Variants in EPB41L2 observed in about 807,000 individuals in gnomAD.
The protein encoded by EPB41L2 is erythrocyte membrane protein band 4.1 like 2.
In EPB41L2, 43 loss-of-function variants were observed where a neutral mutation model predicts 113.0. The observed-to-expected ratio is 0.38, with a 90% CI of 0.30 to 0.49. EPB41L2 has a LOEUF of 0.49. Ranked by LOEUF, EPB41L2 falls within the 20% of genes least tolerant of loss-of-function variation. The probability of loss-of-function intolerance (pLI) is 0.95; values close to 1 mark genes in which losing one functional copy is unlikely to be tolerated. For synonymous variants in EPB41L2, 442 were observed against 436.7 expected, an observed-to-expected ratio of 1.01 and a Z score of -0.15; for missense variants, 1,147 against 1,223.4, an observed-to-expected ratio of 0.94 and a Z score of 0.93.
chr6:130,930,039 A>T (rs1466895474), intron 3 of EPB41L2, among the ~76,000 whole-genome samples: 1 of 152,108 alleles, frequency 6.6e-6, no homozygotes, highest in Non-Finnish European at 1.5e-5. Context: ...AGTTATATAC[A>T]CCACTCATTC....
chr6:131,038,037 CAG>C (rs2128179733), intron 1 of EPB41L2, among the ~76,000 whole-genome samples: 1 of 152,188 alleles, frequency 6.6e-6, no homozygotes, highest in East Asian at 1.9e-4. Context: ...TACACATAAA[CAG>C]TATCAATAAA....
intron 1 of EPB41L2, among the ~76,000 whole-genome samples, chr6:130,965,951 G>A (rs1775032616): frequency 6.6e-6 from 1 of 151,958 alleles, no homozygotes; most frequent in African/African-American, 2.4e-5. Flanking sequence ...CAATCTTGTG[G>A]CTTCCCTGGG....
chr6:131,031,139 C>T (rs1027557333), intron 1 of EPB41L2, among the ~76,000 whole-genome samples: 2 of 151,820 alleles, frequency 1.3e-5, no homozygotes, highest in African/African-American at 4.8e-5. Flanking sequence ...AAATGCAGCA[C>T]AATTAAATGT....
chr6:130,986,695 C>T (rs1174535289), intron 1 of EPB41L2, among the ~76,000 whole-genome samples: 2 of 151,994 alleles, frequency 1.3e-5, no homozygotes, highest in Non-Finnish European at 2.9e-5. Flanking sequence ...AAGCGATTCT[C>T]CTGCCTCAGC....
At chr6:131,005,068 G>C (rs138075460) in intron 1 of EPB41L2, among the ~76,000 whole-genome samples, 3 of 152,088 alleles carry the variant, frequency 2.0e-5, no homozygotes, top group Admixed American at 2.0e-4. Flanking sequence ...ACACTCAGAC[G>C]TCAATGCTAA....
At chr6:130,915,981 T>C (rs183286840) in intron 4 of EPB41L2, among the ~76,000 whole-genome samples, 1 of 152,348 alleles carries the variant, frequency 6.6e-6, no homozygotes, top group East Asian at 1.9e-4. Context: ...AACAGACTAA[T>C]ATACATACCT....
intron 1 of EPB41L2, among the ~76,000 whole-genome samples, chr6:131,004,551 G>A (rs1785028681): frequency 6.6e-6 from 1 of 152,158 alleles, no homozygotes; most frequent in Non-Finnish European, 1.5e-5. Flanking sequence ...ACACTTCTAA[G>A]GAAAGCATGC....
At chr6:130,939,789 C>A (rs1810170440) in intron 3 of EPB41L2, among the ~76,000 whole-genome samples, 1 of 152,192 alleles carries the variant, frequency 6.6e-6, no homozygotes, top group African/African-American at 2.4e-5. Flanking sequence ...ATCCAGAGAG[C>A]CTAATGGTAA....
chr6:130,950,420 A>T (rs1441594723), intron 3 of EPB41L2, among the ~76,000 whole-genome samples: 1 of 152,220 alleles, frequency 6.6e-6, no homozygotes, highest in African/African-American at 2.4e-5. Context: ...CCTTCATGCC[A>T]ATAAATTTGT....
At chr6:130,975,952 T>C (rs1461116901) in intron 1 of EPB41L2, among the ~76,000 whole-genome samples, 1 of 152,128 alleles carries the variant, frequency 6.6e-6, no homozygotes, top group African/African-American at 2.4e-5. Flanking sequence ...CACTTGAGCC[T>C]GGGAGGTGGA....
At chr6:131,021,340 C>A (rs950377140) in intron 1 of EPB41L2, among the ~76,000 whole-genome samples, 2 of 152,102 alleles carry the variant, frequency 1.3e-5, no homozygotes, top group African/African-American at 4.8e-5. Context: ...TAAAGAACTG[C>A]ACACCACTAC....
intron 1 of EPB41L2, among the ~76,000 whole-genome samples, chr6:131,038,062 T>C (rs1190809413): frequency 1.3e-5 from 2 of 152,200 alleles, no homozygotes; most frequent in Non-Finnish European, 2.9e-5. Context: ...CGTATGTGGA[T>C]CTTCATTTTT....
chr6:131,044,524 A>C (rs1432946166), intron 1 of EPB41L2, among the ~76,000 whole-genome samples: 1 of 152,210 alleles, frequency 6.6e-6, no homozygotes, highest in Non-Finnish European at 1.5e-5. Context: ...AAATAACTTT[A>C]ATCATCTTAA....
At chr6:130,950,052 T>C (rs1377095471) in intron 3 of EPB41L2, among the ~76,000 whole-genome samples, 2 of 152,216 alleles carry the variant, frequency 1.3e-5, no homozygotes, top group Non-Finnish European at 2.9e-5. Flanking sequence ...AAGAGTTATA[T>C]GTAAAATTTC....
intron 15 of EPB41L2, 185 bp from the exon 16 acceptor site, chr6:130,867,766 TCA>T (rs1784269047): frequency 1.6e-6 from 1 of 636,460 alleles, no homozygotes; most frequent in Non-Finnish European, 2.7e-6. Flanking sequence ...TTCAAATATA[TCA>T]TATATACACA....
chr6:130,963,109 C>CT (rs142638448), intron 1 of EPB41L2, among the ~76,000 whole-genome samples: 42,805 of 152,102 alleles, frequency 0.28, 7,117 homozygotes, highest in Non-Finnish European at 0.37. Flanking sequence ...AGAGGACCAG[C>CT]TCCTTGATCG....
intron 19 of EPB41L2, among the ~76,000 whole-genome samples, chr6:130,849,553 T>C (rs892304013): frequency 1.3e-5 from 2 of 152,090 alleles, no homozygotes; most frequent in South Asian, 2.1e-4. Context: ...TGCCCATTAG[T>C]AGGGATTAAG....
chr6:131,012,108 G>A (rs1327018652), intron 1 of EPB41L2, among the ~76,000 whole-genome samples: 1 of 152,012 alleles, frequency 6.6e-6, no homozygotes, highest in Non-Finnish European at 1.5e-5. Context: ...GGGAGGCTGA[G>A]GCATGAGAAT....
chr6:131,017,722 T>G (rs528101755), intron 1 of EPB41L2, among the ~76,000 whole-genome samples: 1 of 152,212 alleles, frequency 6.6e-6, no homozygotes, highest in African/African-American at 2.4e-5. Context: ...CTAGCTAGTA[T>G]GGTATGGTCA....
Sources: gnomAD v4.1 joint callset for allele counts (sites outside exome capture counted in the v4.1 genomes callset) on GRCh38, gnomAD v4.1.1 for gene constraint, MANE v1.5 for transcripts, NCBI Gene and HGNC (gene_info 2026-07-23, HGNC 2026-07-21) for gene names.